The following CLNK variants were observed in gnomAD, a reference collection of about 807,000 sequenced individuals.
CLNK encodes the protein cytokine dependent hematopoietic cell linker, also known as cytokine-dependent hematopoietic cell linker.
Under a neutral mutation model 68.6 loss-of-function variants are expected in CLNK, and 74 were observed. The ratio of observed to expected loss-of-function variants is 1.08; its 90% CI spans 0.89 to 1.31. The LOEUF (loss-of-function observed/expected upper bound fraction) is 1.31, where lower values mean the gene tolerates loss of function less well. Among genes scored for constraint, CLNK ranks in the 50% most tolerant of loss-of-function variants. The pLI, the probability that CLNK is intolerant of heterozygous loss-of-function variation, is 0.00. For missense variants in CLNK, 553 were observed against 515.3 expected (o/e 1.07, Z -0.71); for synonymous variants, 198 against 172.2 (o/e 1.15, Z -1.17).
intron 12 of CLNK, 169 bp downstream of exon 12, chr4:10,532,087 G>T: frequency 1.5e-6 from 1 of 677,610 alleles, no homozygotes; most frequent in Non-Finnish European, 2.7e-6. Context: ...AGCTAAGCTT[G>T]TTTTACTTTG....
At chr4:10,515,885 G>T (rs1388663859) in intron 15 of CLNK, among the ~76,000 whole-genome samples, 1 of 152,168 alleles carries the variant, frequency 6.6e-6, no homozygotes, top group Admixed American at 6.5e-5. Context: ...GTACAAGACA[G>T]ACCAAGGGAT....
rs1315161170 is a variant in CLNK, at chr4:10,566,067, C to T, written c.234G>A (p.Glu78=). ...DYDDPELRME[E]TWQSIKILPA... is the part of the protein sequence containing the mutation. ...GTAAAATTTTAATCGACTGCCATGTCTCTTCCATCCGAAGCTCAGGGTCAT... is the reference window on the plus strand; with the variant it reads ...GTAAAATTTTAATCGACTGCCATGTTTCTTCCATCCGAAGCTCAGGGTCAT... The change falls in exon 6 of 19, where the codon GAG becomes GAA. Residue 78 remains glutamate, a synonymous_variant. Coordinates refer to ENST00000226951, the MANE Select transcript of CLNK (RefSeq NM_052964.4). 7 of 1,613,936 alleles carry T rather than the reference C, an allele frequency of 4.3e-6. No homozygotes were observed. The Admixed American group carries it at 5.0e-5, about 12-fold the overall frequency.
chr4:10,554,040 C>T (rs1402046907), intron 8 of CLNK, among the ~76,000 whole-genome samples: 1 of 152,152 alleles, frequency 6.6e-6, no homozygotes, highest in Non-Finnish European at 1.5e-5. Flanking sequence ...GGAGATTCTG[C>T]TATTTTAAAA....
chr4:10,653,790 C>T (rs996952753), intron 2 of CLNK, among the ~76,000 whole-genome samples: 1 of 152,060 alleles, frequency 6.6e-6, no homozygotes, highest in African/African-American at 2.4e-5. Flanking sequence ...AGTGGAGACA[C>T]CAACAGACCA....
At chr4:10,718,168 C>A in the CLNK span, among the ~76,000 whole-genome samples, 5 of 152,010 alleles carry the variant, frequency 3.3e-5, no homozygotes, top group Admixed American at 6.6e-5. Flanking sequence ...GGAAGTAGAA[C>A]AATTAAAACG....
At chr4:10,556,624 C>T (rs1200610914) in intron 8 of CLNK, among the ~76,000 whole-genome samples, 3 of 152,164 alleles carry the variant, frequency 2.0e-5, no homozygotes, top group Non-Finnish European at 2.9e-5. Flanking sequence ...TTCATGAGTG[C>T]CTACAAAGCA....
At chr4:10,651,865 T>C (rs1432605114) in intron 2 of CLNK, among the ~76,000 whole-genome samples, 1 of 151,904 alleles carries the variant, frequency 6.6e-6, no homozygotes, top group Non-Finnish European at 1.5e-5. Context: ...TATTAAAATA[T>C]CTATGGAAAT....
intron 5 of CLNK, among the ~76,000 whole-genome samples, chr4:10,566,558 T>C (rs1720123614): frequency 6.6e-6 from 1 of 152,206 alleles, no homozygotes; most frequent in Non-Finnish European, 1.5e-5. Flanking sequence ...ACTAAAAAAT[T>C]ATTAGAACTA....
intron 2 of CLNK, among the ~76,000 whole-genome samples, chr4:10,618,851 G>A (rs558813015): frequency 3.9e-5 from 6 of 152,288 alleles, no homozygotes; most frequent in East Asian, 1.9e-4. Context: ...TAACTCATTC[G>A]TGAGGACTCT....
intron 4 of CLNK, among the ~76,000 whole-genome samples, chr4:10,573,845 C>G (rs1158981085): frequency 1.3e-5 from 2 of 152,058 alleles, no homozygotes; most frequent in East Asian, 3.9e-4. Context: ...GGGTACAGAC[C>G]CTGCCTGGAG....
At chr4:10,528,151 A>G in intron 12 of CLNK, 57 bp from the exon 13 acceptor site, 1 of 848,414 alleles carries the variant, frequency 1.2e-6, no homozygotes, top group Non-Finnish European at 1.6e-6. Context: ...AGAATTTAAT[A>G]TAACACCATG....
Position 10,598,033 on chromosome 4 carries a change from T to C in CLNK, c.28A>G (p.Thr10Ala). The C allele has an allele frequency of 6.3e-7, 1 of 1,587,182 alleles. No individual in the cohort carries two copies. The highest frequency in any genetic ancestry group is 8.6e-7 in the Non-Finnish European group (1 of 1,164,768). The change falls in exon 3 of 19, where the codon ACT (threonine) becomes GCT (alanine). Residue 10 changes from threonine to alanine, a missense_variant. Coordinates refer to ENST00000226951, the MANE Select transcript of CLNK (RefSeq NM_052964.4). MNRQGNRKT[T>A]KEGSNDLKFQ... ...TTCAAATCGTTGGATCCTTCTTTAG[T>C]TGTCTTTCTATTGCCCCTGGGATGA...
chr4:10,502,427 G>T (rs529676109), intron 17 of CLNK, among the ~76,000 whole-genome samples: 6 of 152,014 alleles, frequency 3.9e-5, no homozygotes, highest in African/African-American at 1.4e-4. Context: ...CCCTAGACAC[G>T]TGGGGATTAT....
chr4:10,719,676 T>C, the CLNK span, among the ~76,000 whole-genome samples: 1 of 152,054 alleles, frequency 6.6e-6, no homozygotes, highest in African/African-American at 2.4e-5. Flanking sequence ...AAGAGAAAAC[T>C]ATCAAGGGTA....
Position 10,516,701 on chromosome 4 carries a change from C to A in CLNK, c.773-3104G>T, listed in dbSNP as rs1459119382. Among the ~76,000 whole-genome samples, 3 of 152,090 alleles carry A rather than the reference C, an allele frequency of 2.0e-5. No homozygotes were observed. In the East Asian group the frequency reaches 5.8e-4, roughly 29 times the overall value. ...CCGAGTAGCTGGAATTACAGGCGCC[C>A]GCCACCATGCCCAGCTAATTTTTGT... On this transcript the variant is annotated intron_variant, in intron 15 of 18. Coordinates refer to ENST00000226951, the MANE Select transcript of CLNK (RefSeq NM_052964.4).
At chr4:10,689,762 T>TTTTTTTTTTTTTTTTTTTCA (rs55754483), upstream of CLNK, among the ~76,000 whole-genome samples, 1 of 149,442 alleles carries the variant, frequency 6.7e-6, no homozygotes, top group Non-Finnish European at 1.5e-5. Flanking sequence ...TTTTTTTTTT[T>TTTTTTTTTTTTTTTTTTTCA]ACAAATTGTG....
At chr4:10,664,926 T>A (rs1211744837) in intron 2 of CLNK, among the ~76,000 whole-genome samples, 1 of 152,176 alleles carries the variant, frequency 6.6e-6, no homozygotes, top group African/African-American at 2.4e-5. Flanking sequence ...CTTTTTACTT[T>A]GGGGCAGGCC....
chr4:10,597,614 C>T (rs146781345), intron 3 of CLNK, among the ~76,000 whole-genome samples: 124 of 152,250 alleles, frequency 8.1e-4, no homozygotes, highest in Non-Finnish European at 1.6e-3. Flanking sequence ...TGTGAGGCTC[C>T]AAGGTAAACT....
upstream of CLNK, among the ~76,000 whole-genome samples, chr4:10,685,707 A>G (rs963356168): frequency 1.3e-5 from 2 of 152,204 alleles, no homozygotes; most frequent in Non-Finnish European, 2.9e-5. Flanking sequence ...CATGAAAATA[A>G]GCACTCTTTG....
Sources: allele counts gnomAD v4.1 joint callset (sites outside exome capture counted in the v4.1 genomes callset), GRCh38; gene constraint gnomAD v4.1.1; transcripts MANE v1.5; gene names NCBI Gene and HGNC (gene_info 2026-07-23, HGNC 2026-07-21).